MAGI2: variants seen among roughly 807,000 people sequenced by gnomAD.
The protein encoded by MAGI2 is membrane associated guanylate kinase, WW and PDZ domain containing 2.
MAGI2 carries 35 observed loss-of-function variants against 133.3 expected under a neutral mutation model. The observed-to-expected ratio is 0.26, with a 90% confidence interval of 0.20 to 0.35. The LOEUF (loss-of-function observed/expected upper bound fraction) is 0.35, where lower values mean the gene tolerates loss of function less well. Among genes scored for constraint, MAGI2 ranks in the 10% least tolerant of loss-of-function variants. The pLI, the probability that MAGI2 is intolerant of heterozygous loss-of-function variation, is 1.00. For missense variants in MAGI2, 1,636 were observed against 1,863.4 expected (o/e 0.88, Z 2.25); for synonymous variants, 729 against 710.6 (o/e 1.03, Z -0.41).
chr7:78,885,828 C>T (rs1414601231), intron 2 of MAGI2, among the ~76,000 whole-genome samples: 5 of 152,136 alleles, frequency 3.3e-5, no homozygotes, highest in Non-Finnish European at 7.4e-5. Context: ...TCACTACTTG[C>T]TCTAGGAAGA....
intron 6 of MAGI2, among the ~76,000 whole-genome samples, chr7:78,378,258 T>C (rs1442485791): frequency 1.3e-5 from 2 of 151,648 alleles, no homozygotes; most frequent in African/African-American, 2.4e-5. Flanking sequence ...GTCAATAATA[T>C]AGAAGGTAGG....
chr7:78,899,977 A>T (rs964881201), intron 2 of MAGI2, among the ~76,000 whole-genome samples: 8 of 152,124 alleles, frequency 5.3e-5, no homozygotes, highest in African/African-American at 1.9e-4. Flanking sequence ...TTTTTATCAC[A>T]CTCAAGAAGG....
intron 21 of MAGI2, among the ~76,000 whole-genome samples, chr7:78,065,291 G>A (rs1382459676): frequency 1.3e-5 from 2 of 152,192 alleles, no homozygotes; most frequent in African/African-American, 2.4e-5. Flanking sequence ...TGAAATATGT[G>A]GGGTGGAACG....
Position 78,369,189 on chromosome 7 carries a change from AT to A in MAGI2, c.1069del (p.Ile357SerfsTer14). The A allele has an allele frequency of 6.2e-7, 1 of 1,605,190 alleles. No homozygotes were observed. The highest frequency in any genetic ancestry group is 8.5e-7 in the Non-Finnish European group (1 of 1,174,862). ...ENELPYGWEK[I>X]DDPIYGTYYV... ...ATAAGTGCCATAAATGGGATCATCG[AT>A]TTTTTCCCAGCCATATGGAAGCTCT... is the stretch of plus-strand genomic sequence containing the variant. On this transcript the variant is annotated frameshift_variant, in exon 7 of 22. Coordinates refer to ENST00000354212, the MANE Select transcript of MAGI2 (RefSeq NM_012301.4). LOFTEE classifies it high-confidence loss of function.
At chr7:78,633,657 G>C (rs111598544) in intron 2 of MAGI2, among the ~76,000 whole-genome samples, 7 of 139,982 alleles carry the variant, frequency 5.0e-5, no homozygotes, top group Non-Finnish European at 9.0e-5. Context: ...AGTGAGCAGA[G>C]ATCGCGCCAC....
intron 2 of MAGI2, among the ~76,000 whole-genome samples, chr7:78,920,847 G>A (rs1799170654): frequency 6.6e-6 from 1 of 152,092 alleles, no homozygotes; most frequent in Admixed American, 6.6e-5. Context: ...AAACATTAAA[G>A]TACACAATTA....
chr7:78,797,012 T>C (rs943477693), intron 2 of MAGI2, among the ~76,000 whole-genome samples: 6 of 152,100 alleles, frequency 3.9e-5, no homozygotes, highest in Admixed American at 2.0e-4. Context: ...GAGAAGTTGG[T>C]TCATGGGTAC....
intron 20 of MAGI2, among the ~76,000 whole-genome samples, chr7:78,081,025 T>C (rs1178213405): frequency 1.3e-5 from 2 of 152,208 alleles, no homozygotes; most frequent in African/African-American, 4.8e-5. Flanking sequence ...AAATGTGTCA[T>C]GCTGACTGAA....
chr7:79,112,725 A>G (rs1819032319), intron 1 of MAGI2, among the ~76,000 whole-genome samples: 1 of 152,170 alleles, frequency 6.6e-6, no homozygotes, highest in South Asian at 2.1e-4. Flanking sequence ...TCAGCCCACA[A>G]TTAAGGCCCT....
chr7:79,275,551 A>G (rs951314977), intron 1 of MAGI2, among the ~76,000 whole-genome samples: 7 of 152,236 alleles, frequency 4.6e-5, no homozygotes, highest in Admixed American at 1.3e-4. Flanking sequence ...CAAGTTATCT[A>G]GAAGATGCAG....
intron 21 of MAGI2, among the ~76,000 whole-genome samples, chr7:78,063,873 G>C (rs1189660149): frequency 6.6e-6 from 1 of 152,126 alleles, no homozygotes; most frequent in Non-Finnish European, 1.5e-5. Flanking sequence ...GGACATAGCA[G>C]AGCCTTTTTA....
At chr7:79,262,180 T>G (rs956785926) in intron 1 of MAGI2, among the ~76,000 whole-genome samples, 4 of 152,206 alleles carry the variant, frequency 2.6e-5, no homozygotes, top group Non-Finnish European at 5.9e-5. Flanking sequence ...TACTTTGCCC[T>G]TCCTTCTCTT....
intron 1 of MAGI2, among the ~76,000 whole-genome samples, chr7:79,090,596 A>G (rs1382300727): frequency 1.3e-5 from 2 of 152,142 alleles, no homozygotes; most frequent in Non-Finnish European, 2.9e-5. Flanking sequence ...TACACAAAGG[A>G]ATGAATTAAA....
chr7:78,958,390 C>G (rs925303972), intron 2 of MAGI2, among the ~76,000 whole-genome samples: 4 of 152,092 alleles, frequency 2.6e-5, no homozygotes, highest in African/African-American at 9.7e-5. Flanking sequence ...TAAGACTCCC[C>G]AGATGTGTGT....
At chr7:79,106,338 A>G (rs1229633064) in intron 1 of MAGI2, among the ~76,000 whole-genome samples, 1 of 152,106 alleles carries the variant, frequency 6.6e-6, no homozygotes, top group Non-Finnish European at 1.5e-5. Context: ...GCATGAAGGA[A>G]TTTTTGTGCA....
chr7:79,125,662 A>G (rs766529444), intron 1 of MAGI2: 15 of 529,366 alleles, frequency 2.8e-5, no homozygotes, highest in African/African-American at 9.6e-5. Flanking sequence ...TACAACAATC[A>G]ATCTTTAAAT....
intron 6 of MAGI2, among the ~76,000 whole-genome samples, chr7:78,434,171 C>T (rs183161256): frequency 2.2e-4 from 34 of 152,148 alleles, no homozygotes; most frequent in African/African-American, 7.7e-4. Context: ...TGGCTGAATC[C>T]AGGCAGATAT....
rs1804778914 is a variant in MAGI2 at position 78,981,497 on chromosome 7, A to G, written c.418+25593T>C. Among the ~76,000 whole-genome samples, 2 of 151,540 alleles carry G rather than the reference A, an allele frequency of 1.3e-5. 1 individual carries two copies. The highest frequency in any genetic ancestry group is 4.2e-4 in the South Asian group (2 of 4,818). ...TAATGTCACAATATTCTATTTTTTCATTATAATTTTCATTTCACATTTCCT... is the reference window on the plus strand; with the variant it reads ...TAATGTCACAATATTCTATTTTTTCGTTATAATTTTCATTTCACATTTCCT... On this transcript the variant is annotated intron_variant, in intron 2 of 21. Transcript: ENST00000354212.
chr7:79,307,948 C>T (rs868440336), intron 1 of MAGI2, among the ~76,000 whole-genome samples: 77 of 152,170 alleles, frequency 5.1e-4, no homozygotes, highest in African/African-American at 1.8e-3. Context: ...CCTCTTTAAC[C>T]ACCATAGAAA....
Sources: gnomAD v4.1 joint callset for allele counts (sites outside exome capture counted in the v4.1 genomes callset) on GRCh38, gnomAD v4.1.1 for gene constraint, MANE v1.5 for transcripts, NCBI Gene and HGNC (gene_info 2026-07-23, HGNC 2026-07-21) for gene names.